Variants in BMX observed in about 807,000 individuals in gnomAD.
The protein encoded by BMX is cytoplasmic tyrosine-protein kinase BMX.
A neutral mutation model predicts 59.2 loss-of-function variants in BMX; 31 were observed. The observed-to-expected ratio is 0.52, with a 90% CI of 0.39 to 0.71. The LOEUF is 0.71. BMX is among the 30% of genes least tolerant of loss of function. The pLI, the probability that BMX is intolerant of heterozygous loss-of-function variation, is 0.00. For synonymous variants in BMX, 185 were observed against 181.0 expected, an observed-to-expected ratio of 1.02 and a Z score of -0.18; for missense variants, 474 against 491.7, an observed-to-expected ratio of 0.96 and a Z score of 0.34.
At chrX:15,516,438 T>C (rs1924160547) in intron 5 of BMX, among the ~76,000 whole-genome samples, 1 of 112,362 alleles carries the variant, frequency 8.9e-6, no homozygotes, top group East Asian at 2.8e-4. Context: ...AATAACAATA[T>C]TAACATCTGC....
intron 5 of BMX, 86 bp downstream of exon 5, chrX:15,516,317 C>A: frequency 9.0e-7 from 1 of 1,116,046 alleles, no homozygotes; most frequent in South Asian, 2.2e-5. Flanking sequence ...AAGAGCTTGC[C>A]AGAAAACAAG....
chrX:15,526,177 T>C, intron 9 of BMX, 82 bp downstream of exon 9: 1 of 891,139 alleles, frequency 1.1e-6, no homozygotes, highest in South Asian at 2.8e-5. Flanking sequence ...TTAAAACAGA[T>C]GGCTGAGACC....
chrX:15,515,714 C>A (rs779746003), intron 4 of BMX, among the ~76,000 whole-genome samples: 1 of 111,281 alleles, frequency 9.0e-6, no homozygotes, highest in South Asian at 3.8e-4. Context: ...TTTATTCAGG[C>A]CTTTTTTTTA....
chrX:15,531,157 T>A (rs1925053973), intron 10 of BMX, among the ~76,000 whole-genome samples, 171 bp from the exon 11 acceptor site: 1 of 110,916 alleles, frequency 9.0e-6, no homozygotes, highest in Non-Finnish European at 1.9e-5. Flanking sequence ...TTCATACACA[T>A]ACACATACAC....
chrX:15,520,395 C>T (rs1924386921), intron 6 of BMX, among the ~76,000 whole-genome samples: 1 of 111,705 alleles, frequency 9.0e-6, no homozygotes, highest in Non-Finnish European at 1.9e-5. Flanking sequence ...TGAGAATTGA[C>T]TGCAAATAGG....
rs202245028 is a variant in BMX at position 15,522,394 on chromosome X, T to C, written c.559T>C (p.Ser187Pro). 121 of 1,210,497 alleles carry C rather than the reference T, an allele frequency of 1.0e-4. No individual in the cohort carries two copies. Among genetic ancestry groups the C allele is most frequent in the Middle Eastern group, 2.3e-4 (1 of 4,352 alleles). ...VPVLKMDAPS[S>P]STTLAQYDNE... ...TGTTCTCAAAATGGATGCACCATCT[T>C]CAAGTACCACTCTAGCCCAATATGA... Residue 187 changes from serine to proline, a missense_variant, in exon 7 of 19, where the codon TCA (serine) becomes CCA (proline). Ser to Pro is a moderately conservative substitution (Grantham distance 74). Transcript: ENST00000348343.
Position 15,518,327 on chromosome X carries a change from G to T in BMX, c.510+334G>T, listed in dbSNP as rs192758909. On this transcript the variant is annotated intron_variant, in intron 6 of 18. Transcript: ENST00000348343. The stretch of plus-strand genomic sequence containing the variant: ...ACATAACAGGCAGCTGTTATTAGCT[G>T]TCATTCTTTCCTTACCATCAACATG... 9.0e-5 allele frequency among the ~76,000 whole-genome samples: 10 copies of T among 111,018 alleles called. No individual in the cohort carries two copies. The Admixed American group carries it at 9.6e-4, about 11-fold the overall frequency.
chrX:15,527,778 T>G (rs1046869727), intron 9 of BMX, among the ~76,000 whole-genome samples: 1 of 111,993 alleles, frequency 8.9e-6, no homozygotes, highest in African/African-American at 3.2e-5. Context: ...TGCTGTACCC[T>G]CCACATCTTT....
chrX:15,527,317 C>A lies in BMX; in HGVS notation c.884+1222C>A, dbSNP rs772399649. 8.0e-5 allele frequency among the ~76,000 whole-genome samples: 7 copies of A among 87,805 alleles called. No homozygotes were observed. In the South Asian group the frequency reaches 1.8e-3, roughly 22 times the overall value. The allele number at this position is 87,805 out of a possible 115,157, so 76.2% of individuals were successfully genotyped here. A position where few individuals can be genotyped will look rare whatever the true frequency, so the allele number is the denominator to read the frequency against. ...ACACACACACATATATATATACCTG[C>A]TATGTACTCACAAAAATTAAAATAA... On this transcript the variant is annotated intron_variant, in intron 9 of 18. Transcript: ENST00000348343.
chrX:15,549,030 G>A (rs1019176764), intron 17 of BMX, among the ~76,000 whole-genome samples: 3 of 110,974 alleles, frequency 2.7e-5, no homozygotes, highest in East Asian at 2.8e-4. Flanking sequence ...TTTTATAGAC[G>A]GAGAACCTGA....
chrX:15,509,494 A>T (rs1923867067), intron 3 of BMX, 61 bp downstream of exon 3: 3 of 732,878 alleles, frequency 4.1e-6, no homozygotes, highest in Non-Finnish European at 6.0e-6. Context: ...TTCTATCGTG[A>T]ACTCAATATA....
At position 15,542,079 on chromosome X, in the gene BMX, C is replaced by A. The variant is rs763292985; in HGVS notation, c.1492C>A (p.Leu498Met). ...TGAATATATAAGCAATGGCTGCTTG[C>A]TGAATTACCTGAGGAGTCACGGAAA... Reference protein sequence around the residue: ...VTEYISNGCLLNYLRSHGKGL... With the variant: ...VTEYISNGCLMNYLRSHGKGL... The change falls in exon 15 of 19, where the codon CTG becomes ATG. Residue 498 changes from leucine to methionine, a missense_variant. Coordinates refer to ENST00000348343, the MANE Select transcript of BMX (RefSeq NM_203281.3). 8.3e-7 allele frequency: 1 copy of A among 1,209,479 alleles called. No individual in the cohort carries two copies. The highest frequency in any genetic ancestry group is 1.8e-5 in the South Asian group (1 of 56,850).
chrX:15,541,214 C>T (rs894715823), intron 14 of BMX, among the ~76,000 whole-genome samples: 1 of 111,196 alleles, frequency 9.0e-6, no homozygotes, highest in South Asian at 3.7e-4. Flanking sequence ...CTCTTCAATT[C>T]GCAAGATTAA....
chrX:15,528,117 A>G (rs1924884087), intron 9 of BMX, among the ~76,000 whole-genome samples: 1 of 112,329 alleles, frequency 8.9e-6, no homozygotes, highest in South Asian at 3.7e-4. Context: ...AGAGACAGAC[A>G]TTGAGGAAAT....
intron 12 of BMX, among the ~76,000 whole-genome samples, chrX:15,536,139 A>G (rs1925329269): frequency 8.9e-6 from 1 of 112,462 alleles, no homozygotes; most frequent in African/African-American, 3.2e-5. Context: ...AAAATCACAT[A>G]CAGTGTTTTA....
chrX:15,536,501 G>C, intron 13 of BMX, 74 bp downstream of exon 13: 1 of 741,726 alleles, frequency 1.3e-6, no homozygotes, highest in Non-Finnish European at 1.8e-6. Context: ...TAATTTACTG[G>C]CAAAAAAAAA....
At chrX:15,512,834 C>T (rs1434574783) in intron 4 of BMX, among the ~76,000 whole-genome samples, 2 of 111,892 alleles carry the variant, frequency 1.8e-5, no homozygotes, top group Non-Finnish European at 3.8e-5. Context: ...ATTCTGCTTC[C>T]CATTTAGTCT....
At position 15,537,216 on chromosome X, in the gene BMX, G is replaced by A. The variant is rs376617024; in HGVS notation, c.1305G>A (p.Lys435=). Residue 435 remains lysine (K), a synonymous_variant, in exon 14 of 19, where the codon AAG becomes AAA. Coordinates refer to ENST00000348343, the MANE Select transcript of BMX (RefSeq NM_203281.3). ...SGQFGVVQLG[K]WKGQYDVAVK... ...AGTTTGGAGTGGTCCAGCTGGGCAAGTGGAAGGGGCAGTATGATGTTGCTG... is the reference window on the plus strand; with the variant it reads ...AGTTTGGAGTGGTCCAGCTGGGCAAATGGAAGGGGCAGTATGATGTTGCTG... The A allele has an allele frequency of 5.5e-5, 67 of 1,208,679 alleles. No individual in the cohort carries two copies. Among genetic ancestry groups the A allele is most frequent in the South Asian group, 4.1e-4 (23 of 56,666 alleles).
intron 9 of BMX, among the ~76,000 whole-genome samples, chrX:15,526,630 G>A (rs1056079783): frequency 3.9e-5 from 4 of 103,278 alleles, no homozygotes; most frequent in African/African-American, 1.5e-4. Flanking sequence ...TTGTTGCCCA[G>A]GCTGGAGTGC....
Sources: allele counts gnomAD v4.1 joint callset (sites outside exome capture counted in the v4.1 genomes callset), GRCh38; gene constraint gnomAD v4.1.1; transcripts MANE v1.5; gene names NCBI Gene and HGNC (gene_info 2026-07-23, HGNC 2026-07-21).